The following PTGER3 variants were observed in gnomAD, a reference collection of about 807,000 sequenced individuals.
The protein encoded by PTGER3 is prostaglandin E receptor 3.
In PTGER3, 22 loss-of-function variants were observed where a neutral mutation model predicts 34.7. The ratio of observed to expected loss-of-function variants is 0.63; its 90% CI spans 0.45 to 0.91. The LOEUF is 0.91. PTGER3 is among the 40% of genes least tolerant of loss of function. The pLI, the probability that PTGER3 is intolerant of heterozygous loss-of-function variation, is 0.00. For missense variants in PTGER3, 468 were observed against 519.4 expected (o/e 0.90, Z 0.96); for synonymous variants, 241 against 230.1 (o/e 1.05, Z -0.43).
chr1:70,899,359 A>G (rs1451108670), intron 4 of PTGER3, among the ~76,000 whole-genome samples: 3 of 152,192 alleles, frequency 2.0e-5, no homozygotes, highest in Non-Finnish European at 4.4e-5. Context: ...AATTCACTCC[A>G]GGAAAAGGAG....
chr1:70,938,411 A>G (rs1299096954), intron 4 of PTGER3, among the ~76,000 whole-genome samples: 1 of 152,184 alleles, frequency 6.6e-6, no homozygotes, highest in Admixed American at 6.5e-5. Context: ...AAGAATTTAA[A>G]TATTTTGGAA....
At chr1:70,996,954 G>A (rs148923083) in intron 2 of PTGER3, among the ~76,000 whole-genome samples, 1,588 of 152,248 alleles carry the variant, frequency 0.01, 40 homozygotes, top group African/African-American at 0.037. Context: ...GAGCCACTGC[G>A]CCTGGCCTGT....
Position 70,917,707 on chromosome 1 carries a change from A to G in PTGER3, c.*23+36056T>C, listed in dbSNP as rs558536629. On this transcript the variant is annotated intron_variant, in intron 4 of 4. Transcript: ENST00000370931. ...TAAGAGTTCTTTTTTCTCTGCCAGC[A>G]TTTGTTATTTTTTGCCTTTTTGATA... Among the ~76,000 whole-genome samples, 41 of 151,734 alleles carry G rather than the reference A, an allele frequency of 2.7e-4. No individual in the cohort carries two copies. In the South Asian group the frequency reaches 8.5e-3, roughly 32 times the overall value.
At chr1:70,852,964 C>A in intron 4 of PTGER3, 1 of 1,288,398 alleles carries the variant, frequency 7.8e-7, no homozygotes, top group Non-Finnish European at 1.1e-6. Flanking sequence ...AGATTATGAA[C>A]AGGAATGGTA....
chr1:70,995,788 T>C (rs1369890447), intron 2 of PTGER3, among the ~76,000 whole-genome samples: 2 of 152,182 alleles, frequency 1.3e-5, no homozygotes, highest in Non-Finnish European at 2.9e-5. Flanking sequence ...TTAATATTAT[T>C]TTACATTTAT....
At chr1:70,939,085 C>A (rs1649514973) in intron 4 of PTGER3, among the ~76,000 whole-genome samples, 1 of 152,118 alleles carries the variant, frequency 6.6e-6, no homozygotes, top group Admixed American at 6.5e-5. Flanking sequence ...AATAGGGGTA[C>A]AAGTATTAGA....
intron 4 of PTGER3, among the ~76,000 whole-genome samples, chr1:70,923,201 G>A (rs928983766): frequency 9.5e-6 from 1 of 105,038 alleles, no homozygotes; most frequent in Admixed American, 1.1e-4. Flanking sequence ...AATACAAAAT[G>A]GTGCTTGGTT....
intron 4 of PTGER3, among the ~76,000 whole-genome samples, chr1:70,875,098 T>A (rs1646246781): frequency 1.3e-5 from 2 of 152,190 alleles, no homozygotes; most frequent in Admixed American, 1.3e-4. Context: ...TTCCAATAAT[T>A]TGGCCTAAGA....
chr1:70,860,639 G>T (rs991425491), intron 4 of PTGER3, among the ~76,000 whole-genome samples: 4 of 152,064 alleles, frequency 2.6e-5, no homozygotes, highest in Non-Finnish European at 4.4e-5. Context: ...ATATTAGTTA[G>T]CCTATGGTAA....
chr1:70,996,515 G>A (rs1045928419), intron 2 of PTGER3, among the ~76,000 whole-genome samples: 3 of 151,958 alleles, frequency 2.0e-5, no homozygotes, highest in African/African-American at 7.2e-5. Context: ...CACCCAGGCT[G>A]AAGTGCAGTG....
At chr1:70,900,005 C>A (rs999267255) in intron 4 of PTGER3, among the ~76,000 whole-genome samples, 2 of 152,078 alleles carry the variant, frequency 1.3e-5, no homozygotes, top group African/African-American at 4.8e-5. Flanking sequence ...ATTCTGAAAA[C>A]ACCTCAGCCA....
At chr1:70,952,478 T>C (rs1363400600) in exon 4 of PTGER3, 23 of 985,958 alleles carry the variant, frequency 2.3e-5, no homozygotes, top group Non-Finnish European at 2.8e-5. Flanking sequence ...AAATAACAGA[T>C]TTTCCATTCA....
At chr1:70,989,795 A>G (rs961575311) in intron 2 of PTGER3, among the ~76,000 whole-genome samples, 1 of 152,158 alleles carries the variant, frequency 6.6e-6, no homozygotes, top group African/African-American at 2.4e-5. Flanking sequence ...AGTATTGGCC[A>G]GTTATCAATG....
intron 4 of PTGER3, among the ~76,000 whole-genome samples, chr1:70,854,979 T>G (rs1327561154): frequency 1.3e-5 from 2 of 152,150 alleles, no homozygotes; most frequent in African/African-American, 4.8e-5. Context: ...TGGGTACATA[T>G]CCAGAAGAAT....
intron 4 of PTGER3, among the ~76,000 whole-genome samples, chr1:70,903,762 G>T (rs750235545): frequency 6.6e-6 from 1 of 152,108 alleles, no homozygotes; most frequent in Non-Finnish European, 1.5e-5. Context: ...TCACAATTAC[G>T]GTATTCTAAA....
intron 2 of PTGER3, chr1:71,006,102 C>A: frequency 1.1e-6 from 1 of 918,762 alleles, no homozygotes; most frequent in Non-Finnish European, 1.3e-6. Context: ...AACACTGGAA[C>A]TTATTTCTGT....
At chr1:71,019,538 C>T (rs1022056975) in intron 1 of PTGER3, among the ~76,000 whole-genome samples, 2 of 152,130 alleles carry the variant, frequency 1.3e-5, no homozygotes, top group African/African-American at 4.8e-5. Context: ...ATTCGCCATC[C>T]CTGTCTACTG....
At chr1:70,945,212 G>A (rs1650115761) in intron 4 of PTGER3, among the ~76,000 whole-genome samples, 1 of 151,998 alleles carries the variant, frequency 6.6e-6, no homozygotes, top group Non-Finnish European at 1.5e-5. Flanking sequence ...ACTAAACATG[G>A]CCTCTTCAAA....
At chr1:70,957,729 T>C (rs376598062) in intron 2 of PTGER3, among the ~76,000 whole-genome samples, 1 of 152,144 alleles carries the variant, frequency 6.6e-6, no homozygotes, top group Non-Finnish European at 1.5e-5. Context: ...CTAGCTATCT[T>C]GAATATGTAG....
Sources: allele counts gnomAD v4.1 joint callset (sites outside exome capture counted in the v4.1 genomes callset), GRCh38; gene constraint gnomAD v4.1.1; transcripts MANE v1.5; gene names NCBI Gene and HGNC (gene_info 2026-07-23, HGNC 2026-07-21).